Variants in ADARB1 observed in about 807,000 individuals in gnomAD.
ADARB1 encodes the protein double-stranded RNA-specific editase 1.
A neutral mutation model predicts 52.4 loss-of-function variants in ADARB1; 10 were observed. The observed-to-expected ratio is 0.19, with a 90% CI of 0.12 to 0.32. The LOEUF (loss-of-function observed/expected upper bound fraction) is 0.32. ADARB1 is among the 10% of genes least tolerant of loss of function. The pLI is 1.00. For missense variants in ADARB1, 643 were observed against 922.3 expected, an observed-to-expected ratio of 0.70 and a Z score of 3.92; for synonymous variants, 349 against 371.1, an observed-to-expected ratio of 0.94 and a Z score of 0.68.
chr21:45,148,586 G>A (rs1238931283), intron 2 of ADARB1, among the ~76,000 whole-genome samples: 1 of 152,226 alleles, frequency 6.6e-6, no homozygotes, highest in African/African-American at 2.4e-5. Context: ...CACAGGGGAA[G>A]CTTGGAGGAG....
chr21:45,201,971 A>G (rs570929894), intron 8 of ADARB1, among the ~76,000 whole-genome samples: 1 of 152,294 alleles, frequency 6.6e-6, no homozygotes, highest in South Asian at 2.1e-4. Context: ...GGCAAGCAGC[A>G]AGGAGGTCCC....
intron 1 of ADARB1, among the ~76,000 whole-genome samples, chr21:45,075,172 G>T (rs1432800757): frequency 6.6e-6 from 1 of 151,628 alleles, no homozygotes. Flanking sequence ...CCTGGAGATC[G>T]GAGGCTGCGC....
chr21:45,136,699 T>TC (rs1018947598), intron 2 of ADARB1, among the ~76,000 whole-genome samples: 5 of 151,996 alleles, frequency 3.3e-5, no homozygotes, highest in East Asian at 1.9e-4. Context: ...AGCAGGGGTG[T>TC]CCCCGCACCC....
At chr21:45,079,255 T>C (rs2086062124) in intron 1 of ADARB1, among the ~76,000 whole-genome samples, 1 of 152,260 alleles carries the variant, frequency 6.6e-6, no homozygotes, top group Non-Finnish European at 1.5e-5. Context: ...TGTGACACAA[T>C]GCTTTCTTGT....
At chr21:45,141,853 C>T (rs1303130104) in intron 2 of ADARB1, among the ~76,000 whole-genome samples, 1 of 152,000 alleles carries the variant, frequency 6.6e-6, no homozygotes, top group Non-Finnish European at 1.5e-5. Flanking sequence ...CCTTAGCCAC[C>T]CCAGGGTCTC....
chr21:45,079,521 A>C (rs1462826158), intron 1 of ADARB1, among the ~76,000 whole-genome samples: 1 of 152,216 alleles, frequency 6.6e-6, no homozygotes, highest in African/African-American at 2.4e-5. Flanking sequence ...AAGGCAGCCC[A>C]GCTCAGCAGC....
At chr21:45,140,754 C>T (rs1168729211) in intron 2 of ADARB1, among the ~76,000 whole-genome samples, 1 of 152,102 alleles carries the variant, frequency 6.6e-6, no homozygotes, top group African/African-American at 2.4e-5. Context: ...AGATGGAATA[C>T]TTATAGCTGG....
At chr21:45,096,813 C>T (rs1410293918) in intron 1 of ADARB1, among the ~76,000 whole-genome samples, 1 of 152,214 alleles carries the variant, frequency 6.6e-6, no homozygotes, top group Non-Finnish European at 1.5e-5. Context: ...GGTGCAGTGG[C>T]ACTGCCAGCT....
chr21:45,105,366 T>G (rs981051274), intron 1 of ADARB1, among the ~76,000 whole-genome samples: 2 of 152,214 alleles, frequency 1.3e-5, no homozygotes, highest in Non-Finnish European at 2.9e-5. Flanking sequence ...CCTCTTAAAG[T>G]GCTGGGATTA....
Position 45,222,231 on chromosome 21 carries a change from G to A in ADARB1, c.*34G>A. The A allele has an allele frequency of 6.6e-7, 1 of 1,522,416 alleles. No homozygotes were observed. Among genetic ancestry groups the A allele is most frequent in the South Asian group, 1.3e-5 (1 of 75,446 alleles). The allele number at this position is 1,522,416 out of a possible 1,614,324, so 94.3% of individuals were successfully genotyped here. ...GACATGATGGGGGGTGCAGGGGGCT[G>A]TGGGCATCCAGCGTCATCCTCCAGA... On this transcript the variant is annotated 3_prime_UTR_variant, in exon 11 of 11. Transcript: ENST00000348831.
intron 2 of ADARB1, chr21:45,152,726 T>C (rs1375557115): frequency 4.8e-6 from 2 of 417,338 alleles, no homozygotes; most frequent in Admixed American, 2.6e-5. Flanking sequence ...ATTTAGTTTT[T>C]ATTCTTCAGT....
intron 1 of ADARB1, among the ~76,000 whole-genome samples, chr21:45,111,516 C>T (rs547008131): frequency 5.6e-4 from 85 of 152,182 alleles, no homozygotes; most frequent in Non-Finnish European, 1.1e-3. Context: ...TAGTGTTGGA[C>T]GTTCTATGGG....
At chr21:45,091,900 G>A (rs544063794) in intron 1 of ADARB1, among the ~76,000 whole-genome samples, 1 of 152,100 alleles carries the variant, frequency 6.6e-6, no homozygotes, top group Admixed American at 6.5e-5. Flanking sequence ...AAACTGATTT[G>A]GATTTCTGCT....
At chr21:45,098,696 G>T (rs756483524) in intron 1 of ADARB1, among the ~76,000 whole-genome samples, 9 of 152,232 alleles carry the variant, frequency 5.9e-5, no homozygotes, top group Non-Finnish European at 1.3e-4. Context: ...AGTGTTCGTG[G>T]CAGTGTGGGG....
chr21:45,194,497 G>A (rs1295949427), intron 8 of ADARB1, among the ~76,000 whole-genome samples: 1 of 142,042 alleles, frequency 7.0e-6, no homozygotes, highest in African/African-American at 2.8e-5. Flanking sequence ...CTTAACCTCT[G>A]TATTCTGCCT....
chr21:45,139,853 A>G (rs1213920421), intron 2 of ADARB1, among the ~76,000 whole-genome samples: 2 of 147,810 alleles, frequency 1.4e-5, no homozygotes, highest in Non-Finnish European at 3.0e-5. Context: ...TACCTTTCTT[A>G]TAGAATTTGT....
At position 45,109,244 on chromosome 21, in the gene ADARB1, C is replaced by T. The variant is rs117248790; in HGVS notation, c.-219-19158C>T. 3.6e-3 allele frequency among the ~76,000 whole-genome samples: 475 copies of T among 132,044 alleles called. 3 individuals carry two copies. Among genetic ancestry groups the T allele is most frequent in the Middle Eastern group, 0.015 (4 of 274 alleles). 86.6% of individuals were successfully genotyped at this position (132,044 alleles called of 152,430 possible). A position where few individuals can be genotyped will look rare whatever the true frequency, so the allele number is the denominator to read the frequency against. On this transcript the variant is annotated intron_variant, in intron 1 of 10. Transcript: ENST00000348831. ...GCGCGCTTGTGTGTATATGTGTGTG[C>T]GCGCGTGTGCGTATGTGTGTGCACT...
At chr21:45,140,581 C>G (rs949454774) in intron 2 of ADARB1, among the ~76,000 whole-genome samples, 2 of 152,062 alleles carry the variant, frequency 1.3e-5, no homozygotes, top group African/African-American at 4.8e-5. Context: ...GCGTTCTGAG[C>G]GGTGGCCACC....
At chr21:45,209,858 C>T (rs2092733566) in intron 9 of ADARB1, among the ~76,000 whole-genome samples, 1 of 152,184 alleles carries the variant, frequency 6.6e-6, no homozygotes, top group Non-Finnish European at 1.5e-5. Flanking sequence ...ATCTTCTCTG[C>T]CCTCTCTGTT....
Sources: gnomAD v4.1 joint callset for allele counts (sites outside exome capture counted in the v4.1 genomes callset) on GRCh38, gnomAD v4.1.1 for gene constraint, MANE v1.5 for transcripts, NCBI Gene and HGNC (gene_info 2026-07-23, HGNC 2026-07-21) for gene names.